Variants in DIS3L2 observed in about 807,000 individuals in gnomAD.
DIS3L2 encodes DIS3-like exonuclease 2.
Under a neutral mutation model 97.5 loss-of-function variants are expected in DIS3L2, and 34 were observed. The ratio of observed to expected loss-of-function variants is 0.35; its 90% CI spans 0.27 to 0.46. The LOEUF is 0.46. DIS3L2 is among the 20% of genes least tolerant of loss of function. The pLI is 1.00. For missense variants in DIS3L2, 1,038 were observed against 1,146.0 expected, an observed-to-expected ratio of 0.91 and a Z score of 1.36; for synonymous variants, 435 against 445.2, an observed-to-expected ratio of 0.98 and a Z score of 0.29.
At chr2:232,208,823 T>C (rs2106216091) in intron 9 of DIS3L2, among the ~76,000 whole-genome samples, 1 of 151,776 alleles carries the variant, frequency 6.6e-6, no homozygotes, top group Non-Finnish European at 1.5e-5. Context: ...AAGCCAGGAG[T>C]TTGAGATCAG....
At chr2:232,059,479 A>T (rs914909971) in intron 5 of DIS3L2, among the ~76,000 whole-genome samples, 2 of 152,232 alleles carry the variant, frequency 1.3e-5, no homozygotes, top group African/African-American at 2.4e-5. Flanking sequence ...CAAATTTTTT[A>T]AAAAATAATT....
intron 14 of DIS3L2, among the ~76,000 whole-genome samples, chr2:232,326,330 C>T (rs1034201360): frequency 7.2e-5 from 11 of 152,096 alleles, no homozygotes; most frequent in African/African-American, 2.4e-4. Flanking sequence ...TTCTCTGACC[C>T]GTGGTGCCAG....
chr2:232,001,557 CTTTTTTTTTT>C (rs57766848), intron 1 of DIS3L2, among the ~76,000 whole-genome samples: 4 of 61,918 alleles, frequency 6.5e-5, no homozygotes, highest in East Asian at 3.0e-4. Context: ...TGCCATTTGT[CTTTTTTTTTT>C]TTTTTTTTTT....
rs1327042029 is a variant in DIS3L2 at position 232,229,897 on chromosome 2, T to C, written c.1205-8636T>C. ...CAAAGAGGAAAAAAGAAGAAGAAAA[T>C]CCAGACTCTTCAAATCCTGACCTTT... is the stretch of plus-strand genomic sequence containing the variant. On this transcript the variant is annotated intron_variant, in intron 10 of 20. Coordinates refer to ENST00000325385, the MANE Select transcript of DIS3L2 (RefSeq NM_152383.5). Among the ~76,000 whole-genome samples the C allele has an allele frequency of 2.0e-5, 3 of 151,962 alleles. No homozygotes were observed. In the East Asian group the frequency reaches 5.8e-4, roughly 29 times the overall value.
rs1407394147 is a variant in DIS3L2 at position 232,325,132 on chromosome 2, G to T, written c.1740-4681G>T. Among the ~76,000 whole-genome samples the T allele has an allele frequency of 6.6e-6, 1 of 152,206 alleles. No individual in the cohort carries two copies. Among genetic ancestry groups the T allele is most frequent in the Non-Finnish European group, 1.5e-5 (1 of 68,042 alleles). On this transcript the variant is annotated intron_variant, in intron 14 of 20. Transcript: ENST00000325385. This position sits in a 1 kb window ranked among gnomAD's most constrained non-coding sequence, Gnocchi z 4.6. The stretch of plus-strand genomic sequence containing the variant: ...CCCTTTCTCATCTCATCACCTCTGA[G>T]CCCTGCCAGGGTGAGAGCAGCCTTT...
chr2:232,300,810 G>C (rs1261279078), intron 14 of DIS3L2, among the ~76,000 whole-genome samples: 1 of 151,932 alleles, frequency 6.6e-6, no homozygotes, highest in African/African-American at 2.4e-5. Flanking sequence ...ACACCACCAT[G>C]CCCAGCTAAT....
At chr2:232,195,200 A>G (rs957625575) in intron 9 of DIS3L2, among the ~76,000 whole-genome samples, 1 of 152,212 alleles carries the variant, frequency 6.6e-6, no homozygotes, top group African/African-American at 2.4e-5. Context: ...CAATTTAATA[A>G]TAGAATCCCC....
intron 1 of DIS3L2, among the ~76,000 whole-genome samples, chr2:232,013,586 C>G (rs1694272412): frequency 2.0e-5 from 3 of 152,182 alleles, no homozygotes; most frequent in African/African-American, 2.4e-5. Flanking sequence ...CCTGGAGATA[C>G]TCTTTCTCTC....
chr2:232,340,243 GC>G (rs147484777), downstream of DIS3L2, among the ~76,000 whole-genome samples: 233 of 152,282 alleles, frequency 1.5e-3, 2 homozygotes, highest in African/African-American at 5.2e-3. Context: ...AGTGTCCCAG[GC>G]GTAGCTGACC....
chr2:232,176,342 CCTCT>C (rs1055680349), intron 9 of DIS3L2, among the ~76,000 whole-genome samples: 2 of 151,830 alleles, frequency 1.3e-5, no homozygotes, highest in Non-Finnish European at 2.9e-5. Context: ...AATCTCTCCC[CCTCT>C]CTCTCTGTTT....
intron 9 of DIS3L2, among the ~76,000 whole-genome samples, chr2:232,187,987 A>C (rs1384584393): frequency 6.6e-6 from 1 of 152,120 alleles, no homozygotes; most frequent in African/African-American, 2.4e-5. Context: ...AAATACAAAA[A>C]CAATTACCTG....
chr2:232,140,253 C>T (rs1698473008), intron 8 of DIS3L2, among the ~76,000 whole-genome samples: 3 of 152,194 alleles, frequency 2.0e-5, no homozygotes, highest in Non-Finnish European at 1.5e-5. Flanking sequence ...GGCCTCCCTT[C>T]TGGTGCTCCC....
intron 1 of DIS3L2, among the ~76,000 whole-genome samples, chr2:232,013,384 A>C (rs1349175588): frequency 6.6e-6 from 1 of 152,176 alleles, no homozygotes; most frequent in East Asian, 1.9e-4. Context: ...TAGACCTTCC[A>C]ACTTGTTTTA....
rs571814490 is a variant in DIS3L2, at chr2:232,156,898, GGTTA to G, written c.951-6556_951-6553del. 2.9e-3 allele frequency among the ~76,000 whole-genome samples: 437 copies of G among 152,244 alleles called. 1 individual carries two copies. The highest frequency in any genetic ancestry group is 4.8e-3 in the Non-Finnish European group (325 of 68,028). ...TATGTATGCTATCTAATTAATGGAT[GGTTA>G]GTTATTTTATGTAACTTTTAATACT... On this transcript the variant is annotated intron_variant, in intron 8 of 20. Transcript: ENST00000325385.
At chr2:232,100,630 G>A (rs1260167354) in intron 6 of DIS3L2, among the ~76,000 whole-genome samples, 1 of 151,506 alleles carries the variant, frequency 6.6e-6, no homozygotes, top group Non-Finnish European at 1.5e-5. Flanking sequence ...TTGTAACTAG[G>A]TTATTTATTA....
chr2:232,075,574 C>T (rs1346279304), intron 5 of DIS3L2, among the ~76,000 whole-genome samples: 1 of 152,196 alleles, frequency 6.6e-6, no homozygotes. Context: ...TGATTTCTGT[C>T]CTCCAAGACA....
chr2:232,134,683 G>A (rs1435483272), intron 7 of DIS3L2, among the ~76,000 whole-genome samples: 2 of 152,124 alleles, frequency 1.3e-5, no homozygotes, highest in African/African-American at 4.8e-5. Flanking sequence ...AAATTAGCCA[G>A]GCGTGGTGAC....
At chr2:232,296,924 T>C (rs1368384910) in intron 13 of DIS3L2, among the ~76,000 whole-genome samples, 1 of 152,306 alleles carries the variant, frequency 6.6e-6, no homozygotes, top group East Asian at 1.9e-4. Flanking sequence ...GGTGTGAACA[T>C]AGTTTCCTGA....
chr2:232,070,524 CT>C (rs944636790), intron 5 of DIS3L2, among the ~76,000 whole-genome samples: 7 of 151,930 alleles, frequency 4.6e-5, no homozygotes, highest in African/African-American at 1.4e-4. Context: ...AGTATGCCTG[CT>C]TCTCACTCTT....
Sources: allele counts gnomAD v4.1 joint callset (sites outside exome capture counted in the v4.1 genomes callset), GRCh38; gene constraint gnomAD v4.1.1; non-coding constraint Gnocchi (gnomAD v3.1); transcripts MANE v1.5; gene names NCBI Gene and HGNC (gene_info 2026-07-23, HGNC 2026-07-21).